The following AVEN variants were observed in gnomAD, a reference collection of about 807,000 sequenced individuals.
AVEN encodes the protein cell death regulator Aven.
In AVEN, 41 loss-of-function variants were observed where a neutral mutation model predicts 38.1. That is an observed-to-expected ratio of 1.08 (90% CI 0.84 to 1.40). The LOEUF is 1.40. AVEN is among the 40% of genes most tolerant of loss of function. AVEN has a pLI of 0.00. For synonymous variants in AVEN, 206 were observed against 171.8 expected (o/e 1.20, Z -1.56); for missense variants, 605 against 438.8 (o/e 1.38, Z -3.38).
chr15:33,867,598 A>G lies in AVEN; in HGVS notation c.870T>C (p.Leu290=). The change falls in exon 5 of 6, where the codon CTT becomes CTC. Residue 290 remains leucine, a synonymous_variant. Transcript: ENST00000306730. ...CCTCTTTTATAGGTGCATCTAAATT[A>G]AGCAACAGATCTAGTTCTTCTTCCA... is the stretch of plus-strand genomic sequence containing the variant. ...DHLEEELDLL[L]NLDAPIKEGD... The G allele has an allele frequency of 6.2e-7, 1 of 1,614,160 alleles. No homozygotes were observed. Among genetic ancestry groups the G allele is most frequent in the Non-Finnish European group, 8.5e-7 (1 of 1,180,038 alleles).
chr15:33,917,563 T>TAC (rs34155332), intron 2 of AVEN, among the ~76,000 whole-genome samples: 1,726 of 149,502 alleles, frequency 0.012, 23 homozygotes, highest in African/African-American at 0.038. Context: ...TGTGTATGTA[T>TAC]ACACACACAC....
chr15:33,878,579 G>C lies in AVEN; in HGVS notation c.446-2584C>G, dbSNP rs140037902. On this transcript the variant is annotated intron_variant, in intron 2 of 5. Transcript: ENST00000306730. ...AAGAAAGCAGGTAGGGCAAATTTTG[G>C]CTACTGAAAAAATTTTAATACATAA... 7.2e-4 allele frequency among the ~76,000 whole-genome samples: 110 copies of C among 152,146 alleles called. No individual in the cohort carries two copies. In the East Asian group the frequency reaches 0.01, roughly 14 times the overall value.
At chr15:34,020,179 T>C (rs534288858) in intron 1 of AVEN, among the ~76,000 whole-genome samples, 2 of 152,038 alleles carry the variant, frequency 1.3e-5, no homozygotes, top group East Asian at 1.9e-4. Context: ...GGCGTGGTGG[T>C]GGGTGCCTGT....
intron 5 of AVEN, among the ~76,000 whole-genome samples, chr15:34,060,919 G>A (rs950222375): frequency 2.6e-5 from 4 of 152,036 alleles, no homozygotes; most frequent in Non-Finnish European, 5.9e-5. Context: ...GGGAGGCTGA[G>A]GCAGGAGAAT....
chr15:34,014,352 G>A (rs563144201), intron 1 of AVEN, among the ~76,000 whole-genome samples: 18 of 107,756 alleles, frequency 1.7e-4, no homozygotes, highest in African/African-American at 3.1e-4. Flanking sequence ...CAACAAGAGC[G>A]AAACTCCATC....
chr15:34,041,894 A>G (rs1899490215), upstream of AVEN, among the ~76,000 whole-genome samples: 1 of 152,202 alleles, frequency 6.6e-6, no homozygotes, highest in African/African-American at 2.4e-5. Flanking sequence ...CTGTAAGTCT[A>G]TTCTGCAGAT....
rs1220087643 is a variant in AVEN, at chr15:34,039,053, G to A, written c.-7C>T. On this transcript the variant is annotated 5_prime_UTR_variant, in exon 1 of 6. Transcript: ENST00000306730. The stretch of plus-strand genomic sequence containing the variant: ...CTCCTCGCTCCGCCTGCATCTGGCC[G>A]CCGCTGGCGGTGCTGAGCGCGCGGG... 3.8e-5 allele frequency: 42 copies of A among 1,100,422 alleles called. No homozygotes were observed. Among genetic ancestry groups the A allele is most frequent in the Non-Finnish European group, 4.4e-5 (40 of 905,764 alleles). 68.2% of individuals were successfully genotyped at this position (1,100,422 alleles called of 1,614,324 possible). A position where few individuals can be genotyped will look rare whatever the true frequency, so the allele number is the denominator to read the frequency against.
chr15:33,979,329 C>G (rs1016667215), intron 2 of AVEN, among the ~76,000 whole-genome samples: 2 of 152,064 alleles, frequency 1.3e-5, no homozygotes, highest in Non-Finnish European at 2.9e-5. Context: ...TGAGATCAGC[C>G]TGGGCAATAT....
downstream of AVEN, among the ~76,000 whole-genome samples, chr15:33,854,606 G>T (rs1398451890): frequency 6.6e-6 from 1 of 152,110 alleles, no homozygotes. Flanking sequence ...ATGGTATAAG[G>T]TAGATGGGGC....
intron 2 of AVEN, among the ~76,000 whole-genome samples, chr15:33,966,154 T>C (rs1275245534): frequency 1.3e-5 from 2 of 152,170 alleles, no homozygotes; most frequent in African/African-American, 2.4e-5. Context: ...AACCACTTTT[T>C]CACCCACCCT....
chr15:33,902,119 C>T (rs1269389909), intron 2 of AVEN, among the ~76,000 whole-genome samples: 3 of 151,396 alleles, frequency 2.0e-5, no homozygotes, highest in Admixed American at 6.6e-5. Flanking sequence ...TCTATGAGCA[C>T]AGGGTATTTT....
At chr15:33,925,931 G>T (rs2153049133) in intron 2 of AVEN, among the ~76,000 whole-genome samples, 1 of 152,246 alleles carries the variant, frequency 6.6e-6, no homozygotes, top group South Asian at 2.1e-4. Context: ...TATTATTTAA[G>T]CTATTTTCTC....
intron 2 of AVEN, among the ~76,000 whole-genome samples, chr15:33,961,086 G>A (rs1895142570): frequency 2.6e-5 from 4 of 151,962 alleles, no homozygotes; most frequent in Admixed American, 2.6e-4. Flanking sequence ...CTGAAGCCTC[G>A]ACCTCCTGGG....
At chr15:33,867,395 T>G (rs954227324) in intron 5 of AVEN, 100 bp downstream of exon 5, 2 of 1,451,826 alleles carry the variant, frequency 1.4e-6, no homozygotes, top group Non-Finnish European at 1.8e-6. Context: ...TGGATCAATG[T>G]CAGACACCCA....
chr15:33,982,877 C>A (rs183775450), intron 2 of AVEN, among the ~76,000 whole-genome samples: 18 of 152,146 alleles, frequency 1.2e-4, no homozygotes, highest in African/African-American at 4.1e-4. Flanking sequence ...ATCCCAACTT[C>A]TGAGGGAGAT....
intron 2 of AVEN, among the ~76,000 whole-genome samples, chr15:33,982,043 T>C (rs1048607047): frequency 6.6e-6 from 1 of 151,544 alleles, no homozygotes; most frequent in Admixed American, 6.6e-5. Context: ...TTTTTTTTTT[T>C]ATTAGTAGAG....
At chr15:33,929,540 A>C (rs931000545) in intron 2 of AVEN, among the ~76,000 whole-genome samples, 3 of 152,208 alleles carry the variant, frequency 2.0e-5, no homozygotes, top group Non-Finnish European at 4.4e-5. Flanking sequence ...AAGGCTGCTA[A>C]ATTACTAATG....
intron 2 of AVEN, among the ~76,000 whole-genome samples, chr15:33,918,458 C>CTTTTTTTTTTTTTTTTTTTTTTTTTTT (rs33928063): frequency 1.2e-5 from 1 of 84,482 alleles, no homozygotes; most frequent in African/African-American, 4.9e-5. Context: ...TAAATTACAG[C>CTTTTTTTTTTTTTTTTTTTTTTTTTTT]TTTTTTTTTT....
downstream of AVEN, among the ~76,000 whole-genome samples, chr15:33,862,764 C>T (rs1220249448): frequency 1.3e-5 from 2 of 152,076 alleles, no homozygotes; most frequent in Non-Finnish European, 2.9e-5. Flanking sequence ...GCACCTGCCA[C>T]CATCCTGGGC....
Sources: gnomAD v4.1 joint callset for allele counts (sites outside exome capture counted in the v4.1 genomes callset) on GRCh38, gnomAD v4.1.1 for gene constraint, MANE v1.5 for transcripts, NCBI Gene and HGNC (gene_info 2026-07-23, HGNC 2026-07-21) for gene names.